ARID2: variants seen among roughly 807,000 people sequenced by gnomAD.
ARID2 encodes the protein AT-rich interactive domain-containing protein 2.
In ARID2, 32 loss-of-function variants were observed where a neutral mutation model predicts 184.6. That is an observed-to-expected ratio of 0.17 (90% CI 0.13 to 0.23). The LOEUF (loss-of-function observed/expected upper bound fraction) is 0.23. Ranked by LOEUF, ARID2 falls within the 10% of genes least tolerant of loss-of-function variation. The pLI is 1.00. For synonymous variants in ARID2, 836 were observed against 772.6 expected, an observed-to-expected ratio of 1.08 and a Z score of -1.36; for missense variants, 1,696 against 2,197.6, an observed-to-expected ratio of 0.77 and a Z score of 4.56.
intron 16 of ARID2, among the ~76,000 whole-genome samples, chr12:45,867,476 C>G (rs1317019404): frequency 6.7e-6 from 1 of 148,364 alleles, no homozygotes; most frequent in Non-Finnish European, 1.5e-5. Flanking sequence ...GGCGCAGTGG[C>G]TCATGCCTGT....
At chr12:45,885,455 GTT>G (rs1944170323) in intron 16 of ARID2, among the ~76,000 whole-genome samples, 1 of 151,802 alleles carries the variant, frequency 6.6e-6, no homozygotes, top group Admixed American at 6.6e-5. Flanking sequence ...AGTCAGGTGA[GTT>G]TGTTTGTTTG....
At chr12:45,868,982 T>C (rs893398840) in intron 16 of ARID2, among the ~76,000 whole-genome samples, 6 of 151,910 alleles carry the variant, frequency 3.9e-5, no homozygotes, top group Admixed American at 2.0e-4. Context: ...TTTCTCGAGA[T>C]TGCCAAGAAA....
At chr12:45,788,882 T>C (rs979936029) in intron 3 of ARID2, among the ~76,000 whole-genome samples, 2 of 152,208 alleles carry the variant, frequency 1.3e-5, no homozygotes, top group Non-Finnish European at 2.9e-5. Flanking sequence ...TAAATAAATG[T>C]GCTGAACTGT....
chr12:45,861,080 G>A, intron 16 of ARID2, 131 bp downstream of exon 16: 1 of 760,642 alleles, frequency 1.3e-6, no homozygotes, highest in Non-Finnish European at 1.9e-6. Context: ...AACTACAAGA[G>A]TTATATTTAT....
chr12:45,836,794 C>T lies in ARID2; in HGVS notation c.826C>T (p.Leu276=), dbSNP rs2138126928. The stretch of plus-strand genomic sequence containing the variant: ...GTCTTTATTTCATCCACCTCGAAAG[C>T]TGGGCATTAACGATATTGAAGGACA... The part of the protein sequence containing the change: ...WESLFHPPRK[L]GINDIEGQRV... Residue 276 remains leucine (L), a synonymous_variant, in exon 8 of 21, where the codon CTG becomes TTG. Transcript: ENST00000334344. 6.2e-7 allele frequency: 1 copy of T among 1,614,034 alleles called. No individual in the cohort carries two copies. Among genetic ancestry groups the T allele is most frequent in the Middle Eastern group, 1.6e-4 (1 of 6,062 alleles).
intron 15 of ARID2, among the ~76,000 whole-genome samples, chr12:45,853,347 T>C (rs567649539): frequency 1.2e-4 from 19 of 152,356 alleles, no homozygotes; most frequent in African/African-American, 4.6e-4. Context: ...GTAATAACTT[T>C]ATCAGTCGTA....
At chr12:45,773,945 A>G (rs1941929456) in intron 3 of ARID2, among the ~76,000 whole-genome samples, 1 of 152,116 alleles carries the variant, frequency 6.6e-6, no homozygotes, top group Non-Finnish European at 1.5e-5. Flanking sequence ...GCAGTAAGTT[A>G]TTTATCTTCC....
intron 3 of ARID2, among the ~76,000 whole-genome samples, chr12:45,780,848 G>C (rs999045086): frequency 1.3e-5 from 2 of 152,054 alleles, no homozygotes; most frequent in Non-Finnish European, 2.9e-5. Flanking sequence ...TCGAACTCCT[G>C]ACCTCAGGCG....
rs757429134 is a variant in ARID2 at position 45,848,844 on chromosome 12, C to T, written c.1589C>T (p.Ala530Val). ...TTTTTCTCCTCTTTTAGGCTAAATGCTCATTTTGAAGTAAATCCAGATTGT... is the reference window on the plus strand; with the variant it reads ...TTTTTCTCCTCTTTTAGGCTAAATGTTCATTTTGAAGTAAATCCAGATTGT... ...SEKFACQWLN[A>V]HFEVNPDCSV... Residue 530 changes from alanine (A) to valine (V), a missense_variant, in exon 13 of 21, where the codon GCT (alanine) becomes GTT (valine). Ala to Val is a moderately conservative substitution (Grantham distance 64). This residue lies in a region of ARID2 where 713 missense variants were observed against 824.4 expected (regional missense o/e 0.86). Coordinates refer to ENST00000334344, the MANE Select transcript of ARID2 (RefSeq NM_152641.4). 1.2e-6 allele frequency: 2 copies of T among 1,610,630 alleles called. No individual in the cohort carries two copies. Among genetic ancestry groups the T allele is most frequent in the Non-Finnish European group, 1.7e-6 (2 of 1,178,116 alleles).
intron 13 of ARID2, 133 bp from the exon 14 acceptor site, chr12:45,849,447 C>A: frequency 1.8e-6 from 1 of 558,760 alleles, no homozygotes; most frequent in Non-Finnish European, 3.0e-6. Context: ...TCCATCCTTG[C>A]AGAATATAAC....
rs1391038907 is a variant in ARID2 at position 45,852,592 on chromosome 12, G to T, written c.4469G>T (p.Gly1490Val). ...CAAATCATAGCAGTTCCCGACTCAG[G>T]ATCAAAAGTATCCCATTCTCCTGCC... ...GHQIIAVPDS[G>V]SKVSHSPALS... Residue 1490 changes from glycine to valine, a missense_variant, in exon 15 of 21, where the codon GGA becomes GTA. Gly to Val is a moderately radical substitution (Grantham distance 109). Coordinates refer to ENST00000334344, the MANE Select transcript of ARID2 (RefSeq NM_152641.4). 6.2e-7 allele frequency: 1 copy of T among 1,614,122 alleles called. No homozygotes were observed. The highest frequency in any genetic ancestry group is 8.5e-7 in the Non-Finnish European group (1 of 1,180,002).
intron 20 of ARID2, among the ~76,000 whole-genome samples, chr12:45,896,976 A>C (rs186095700): frequency 6.6e-6 from 1 of 152,374 alleles, no homozygotes; most frequent in East Asian, 1.9e-4. Flanking sequence ...GAGACCCTGA[A>C]TAGCAGAAAC....
At position 45,850,760 on chromosome 12, in the gene ARID2, T is replaced by C. The variant is rs1052172407; in HGVS notation, c.2637T>C (p.Thr879=). The part of the protein sequence containing the change: ...NFQVATGQMV[T]IAGVPSPQAS... ...AGGTAGCTACAGGACAAATGGTTAC[T>C]ATTGCTGGTGTCCCAAGTCCACAAG... Residue 879 remains threonine, a synonymous_variant, in exon 15 of 21, where the codon ACT becomes ACC. Coordinates refer to ENST00000334344, the MANE Select transcript of ARID2 (RefSeq NM_152641.4). 5 of 1,614,022 alleles carry C rather than the reference T, an allele frequency of 3.1e-6. No individual in the cohort carries two copies. Among genetic ancestry groups the C allele is most frequent in the Non-Finnish European group, 4.2e-6 (5 of 1,180,012 alleles).
intron 16 of ARID2, among the ~76,000 whole-genome samples, chr12:45,863,099 G>A (rs1943776132): frequency 6.6e-6 from 1 of 152,170 alleles, no homozygotes; most frequent in African/African-American, 2.4e-5. Context: ...TCATAGTGCT[G>A]TTTGCAACAT....
chr12:45,893,367 T>C (rs2136461920), intron 18 of ARID2, 53 bp from the exon 19 acceptor site: 1 of 1,548,312 alleles, frequency 6.5e-7, no homozygotes, highest in Non-Finnish European at 8.7e-7. Flanking sequence ...GTTGTCAGTC[T>C]GTCTGCAGTA....
intron 3 of ARID2, among the ~76,000 whole-genome samples, chr12:45,780,170 C>G (rs1942062001): frequency 6.6e-6 from 1 of 152,170 alleles, no homozygotes. Context: ...TTACAGTGTG[C>G]CACACACTTT....
At chr12:45,816,545 T>C (rs927060136) in intron 4 of ARID2, among the ~76,000 whole-genome samples, 3 of 152,232 alleles carry the variant, frequency 2.0e-5, no homozygotes, top group Non-Finnish European at 2.9e-5. Context: ...GATACACTTA[T>C]GTGTGACTCA....
At chr12:45,817,634 CT>C in intron 4 of ARID2, 35 bp from the exon 5 acceptor site, 1 of 1,502,984 alleles carries the variant, frequency 6.7e-7, no homozygotes, top group Non-Finnish European at 9.1e-7. Flanking sequence ...GGTATCTGAT[CT>C]TTGATATACT....
At chr12:45,860,073 G>A (rs1217307669) in intron 15 of ARID2, among the ~76,000 whole-genome samples, 2 of 152,068 alleles carry the variant, frequency 1.3e-5, no homozygotes, top group Non-Finnish European at 1.5e-5. Flanking sequence ...ATTAGACTGG[G>A]GGCTGGATGT....
Sources: gnomAD v4.1 joint callset for allele counts (sites outside exome capture counted in the v4.1 genomes callset) on GRCh38, gnomAD v4.1.1 for gene constraint, gnomAD v4.1.1 regional missense constraint, MANE v1.5 for transcripts, NCBI Gene and HGNC (gene_info 2026-07-23, HGNC 2026-07-21) for gene names.